The following DEPTOR variants were observed in gnomAD, a reference collection of about 807,000 sequenced individuals.
The protein encoded by DEPTOR is DEP domain containing MTOR interacting protein.
In DEPTOR, 41 loss-of-function variants were observed where a neutral mutation model predicts 41.6. That is an observed-to-expected ratio of 0.98 (90% CI 0.77 to 1.28). The LOEUF is 1.28. DEPTOR is among the 50% of genes most tolerant of loss of function. The pLI is 0.00. For missense variants in DEPTOR, 514 were observed against 527.9 expected (o/e 0.97, Z 0.26); for synonymous variants, 195 against 192.3 (o/e 1.01, Z -0.12).
chr8:119,961,273 A>T (rs950385421), intron 3 of DEPTOR, among the ~76,000 whole-genome samples: 2 of 151,180 alleles, frequency 1.3e-5, no homozygotes, highest in East Asian at 4.0e-4. Flanking sequence ...AAAATTAGCC[A>T]GGTGTGGTGG....
In DEPTOR at chr8:120,049,838, A is replaced by G. The variant is rs1051534; in HGVS notation, c.*134A>G. On this transcript the variant is annotated 3_prime_UTR_variant, in exon 9 of 9. Coordinates refer to ENST00000286234, the MANE Select transcript of DEPTOR (RefSeq NM_022783.4). ...GAGTCTTCTCCGCACATACATGTCT[A>G]AAGTTGAGTTTTATACACTGAATGT... The G allele has an allele frequency of 0.37, 415,909 of 1,115,062 alleles. 82,497 individuals carry two copies. Among genetic ancestry groups the G allele is most frequent in the East Asian group, 0.54 (19,687 of 36,338 alleles). The allele number at this position is 1,115,062 out of a possible 1,614,324, so 69.1% of individuals were successfully genotyped here.
intron 1 of DEPTOR, among the ~76,000 whole-genome samples, chr8:119,927,925 GAAGTACCTAACA>G (rs1203206434): frequency 6.6e-6 from 1 of 152,020 alleles, no homozygotes. Flanking sequence ...GTAGTGCCTA[GAAGTACCTAACA>G]GGCAGGTAGT....
intron 8 of DEPTOR, among the ~76,000 whole-genome samples, chr8:120,018,618 G>C (rs1174875622): frequency 6.6e-6 from 1 of 152,170 alleles, no homozygotes. Flanking sequence ...TGGAGTTCAG[G>C]AAAGTCATAT....
intron 1 of DEPTOR, among the ~76,000 whole-genome samples, chr8:119,897,225 C>A (rs993576021): frequency 2.0e-5 from 3 of 152,256 alleles, no homozygotes; most frequent in African/African-American, 4.8e-5. Context: ...AACAGAATTT[C>A]ATGTAAGGAT....
At chr8:120,032,744 C>T (rs984078902) in intron 8 of DEPTOR, among the ~76,000 whole-genome samples, 13 of 152,182 alleles carry the variant, frequency 8.5e-5, no homozygotes, top group East Asian at 3.9e-4. Flanking sequence ...ATAACAGCCA[C>T]GAGTGAACAG....
chr8:119,932,316 G>T (rs966882956), intron 3 of DEPTOR, among the ~76,000 whole-genome samples: 2 of 152,098 alleles, frequency 1.3e-5, no homozygotes, highest in African/African-American at 4.8e-5. Context: ...TATCTCTTGG[G>T]ATCTGCATAA....
chr8:120,001,548 G>T lies in DEPTOR; in HGVS notation c.628G>T (p.Asp210Tyr), dbSNP rs772030295. Residue 210 changes from aspartate to tyrosine, a missense_variant, in exon 5 of 9, where the codon GAC (aspartate) becomes TAC (tyrosine). Transcript: ENST00000286234. ...AGTGTCCAACAAGCACCCATTTGTG[G>T]ACAGCAATCTTCTCTACCAGTTCAG... The part of the protein sequence containing the change: ...QHVSNKHPFV[D>Y]SNLLYQFRMN... 6.2e-7 allele frequency: 1 copy of T among 1,612,242 alleles called. No individual in the cohort carries two copies. Among genetic ancestry groups the T allele is most frequent in the Non-Finnish European group, 8.5e-7 (1 of 1,179,090 alleles).
At chr8:120,012,515 T>C (rs983682028) in intron 8 of DEPTOR, among the ~76,000 whole-genome samples, 3 of 152,164 alleles carry the variant, frequency 2.0e-5, no homozygotes, top group African/African-American at 7.2e-5. Context: ...AATTTTTTTT[T>C]TAAAGCATTC....
intron 4 of DEPTOR, among the ~76,000 whole-genome samples, chr8:119,993,226 G>T (rs1258543405): frequency 6.6e-6 from 1 of 152,204 alleles, no homozygotes; most frequent in African/African-American, 2.4e-5. Context: ...GATTTCTGCA[G>T]TTAAACCTAA....
intron 1 of DEPTOR, among the ~76,000 whole-genome samples, chr8:119,891,710 C>T (rs1326855573): frequency 6.6e-6 from 1 of 152,110 alleles, no homozygotes; most frequent in Non-Finnish European, 1.5e-5. Context: ...TGGCAATTGG[C>T]TTACATTCAA....
intron 1 of DEPTOR, among the ~76,000 whole-genome samples, chr8:119,899,463 A>G (rs1827559782): frequency 6.6e-6 from 1 of 152,222 alleles, no homozygotes; most frequent in Non-Finnish European, 1.5e-5. Flanking sequence ...TCAGATGCTA[A>G]ACATAGACTT....
At chr8:120,002,847 C>T (rs2130085388) in intron 5 of DEPTOR, 130 bp from the exon 6 acceptor site, 2 of 808,614 alleles carry the variant, frequency 2.5e-6, no homozygotes, top group African/African-American at 1.8e-5. Context: ...AACTCAAGTT[C>T]TTGTTTTTCT....
intron 8 of DEPTOR, among the ~76,000 whole-genome samples, chr8:120,036,705 T>A (rs1812983849): frequency 2.0e-5 from 3 of 152,332 alleles, no homozygotes; most frequent in Admixed American, 2.0e-4. Flanking sequence ...TCTGAAGATG[T>A]AAGGAATTCC....
chr8:119,980,122 A>G (rs1368265548), intron 4 of DEPTOR, among the ~76,000 whole-genome samples: 2 of 151,984 alleles, frequency 1.3e-5, no homozygotes, highest in African/African-American at 2.4e-5. Context: ...CACCAAGACA[A>G]TCTACATATG....
chr8:119,955,689 C>G (rs1828409383), intron 3 of DEPTOR, among the ~76,000 whole-genome samples: 1 of 152,138 alleles, frequency 6.6e-6, no homozygotes, highest in Admixed American at 6.5e-5. Flanking sequence ...TGGTCTCGAA[C>G]TCTTGACCTC....
chr8:120,005,479 TCATCAC>T (rs1218868215), intron 6 of DEPTOR, among the ~76,000 whole-genome samples: 7 of 152,296 alleles, frequency 4.6e-5, no homozygotes, highest in African/African-American at 1.7e-4. Context: ...GCCTGGTAGA[TCATCAC>T]GCCTTGCCCC....
intron 5 of DEPTOR, among the ~76,000 whole-genome samples, chr8:120,002,329 A>G (rs59296264): frequency 0.15 from 22,973 of 151,662 alleles, 2,801 homozygotes; most frequent in African/African-American, 0.33. Flanking sequence ...TAGTAGAGAT[A>G]GGGTTTCACT....
chr8:120,011,138 G>T (rs1440247166), intron 8 of DEPTOR, among the ~76,000 whole-genome samples: 1 of 152,172 alleles, frequency 6.6e-6, no homozygotes, highest in Non-Finnish European at 1.5e-5. Flanking sequence ...GCATTGGTTT[G>T]CATGCTGGAA....
chr8:119,888,685 G>C (rs375217247), intron 1 of DEPTOR, among the ~76,000 whole-genome samples: 3 of 151,836 alleles, frequency 2.0e-5, no homozygotes, highest in Non-Finnish European at 4.4e-5. Context: ...GTGAAACCCC[G>C]TCTCTACTAA....
Sources: allele counts gnomAD v4.1 joint callset (sites outside exome capture counted in the v4.1 genomes callset), GRCh38; gene constraint gnomAD v4.1.1; transcripts MANE v1.5; gene names NCBI Gene and HGNC (gene_info 2026-07-23, HGNC 2026-07-21).